Variants in ASB18 observed in about 807,000 individuals in gnomAD.
ASB18 encodes ankyrin repeat and SOCS box containing 18.
ASB18 carries 33 observed loss-of-function variants against 33.4 expected under a neutral mutation model. The ratio of observed to expected loss-of-function variants is 0.99; its 90% CI spans 0.75 to 1.32. The LOEUF (loss-of-function observed/expected upper bound fraction) is 1.32, where lower values mean the gene tolerates loss of function less well. ASB18 is among the 40% of genes most tolerant of loss of function. The pLI is 0.00. For synonymous variants in ASB18, 295 were observed against 307.6 expected, an observed-to-expected ratio of 0.96 and a Z score of 0.43; for missense variants, 694 against 655.5, an observed-to-expected ratio of 1.06 and a Z score of -0.64.
In ASB18 at chr2:236,196,241, C is replaced by T. The variant is rs1363122885; in HGVS notation, c.1215+31G>A. ...AGCAAAAACAGACAAAAGTTTTGTA[C>T]TAAAGATGGGCAGAAAGGCAGCCCT... is the stretch of plus-strand genomic sequence containing the variant. On this transcript the variant is annotated intron_variant, in intron 5 of 5. Coordinates refer to ENST00000409749, the MANE Select transcript of ASB18 (RefSeq NM_212556.4). The surrounding 1 kb of genome is among the most constrained non-coding windows in gnomAD (Gnocchi z 5.6). 6.0e-5 allele frequency: 77 copies of T among 1,282,480 alleles called. No homozygotes were observed. Among genetic ancestry groups the T allele is most frequent in the Non-Finnish European group, 8.3e-5 (75 of 901,434 alleles). The allele number at this position is 1,282,480 out of a possible 1,614,324, so 79.4% of individuals were successfully genotyped here.
rs1041498252 is a variant in ASB18 at position 236,226,646 on chromosome 2, G to A, written c.596+11043C>T. The stretch of plus-strand genomic sequence containing the variant: ...GCATATGGCCTCAGCTCCTTATGGT[G>A]TCCAAATGTAAGCTTGTTGGCGTCT... On this transcript the variant is annotated intron_variant, in intron 3 of 5. Transcript: ENST00000409749. This position sits in a 1 kb window ranked among gnomAD's most constrained non-coding sequence, Gnocchi z 4.8. Among the ~76,000 whole-genome samples, 2 of 152,156 alleles carry A rather than the reference G, an allele frequency of 1.3e-5. No individual in the cohort carries two copies. The highest frequency in any genetic ancestry group is 2.9e-5 in the Non-Finnish European group (2 of 68,028).
rs1006832255 is a variant in ASB18 at position 236,256,411 on chromosome 2, G to A, written c.205+7730C>T. ...CCCTGTCCAATATCCAGGTGCAGAG[G>A]TTGGCATTAAAAGATAGTGGGGCAT... On this transcript the variant is annotated intron_variant, in intron 1 of 5. Transcript: ENST00000409749. This position sits in a 1 kb window ranked among gnomAD's most constrained non-coding sequence, Gnocchi z 4.7. Among the ~76,000 whole-genome samples, 1 of 152,188 alleles carries A rather than the reference G, an allele frequency of 6.6e-6. No individual in the cohort carries two copies. The highest frequency in any genetic ancestry group is 1.9e-4 in the East Asian group (1 of 5,182).
At position 236,194,764 on chromosome 2, in the gene ASB18, G is replaced by A. The variant is rs1319378391; in HGVS notation, c.*108C>T. 1.0e-6 allele frequency: 1 copy of A among 961,318 alleles called. No homozygotes were observed. Among genetic ancestry groups the A allele is most frequent in the Non-Finnish European group, 1.5e-6 (1 of 654,078 alleles). The allele number at this position is 961,318 out of a possible 1,614,324, so 59.5% of individuals were successfully genotyped here. A position where few individuals can be genotyped will look rare whatever the true frequency, so the allele number is the denominator to read the frequency against. On this transcript the variant is annotated 3_prime_UTR_variant, in exon 6 of 6. Coordinates refer to ENST00000409749, the MANE Select transcript of ASB18 (RefSeq NM_212556.4). The surrounding 1 kb of genome is among the most constrained non-coding windows in gnomAD (Gnocchi z 4.5). Reference sequence around the variant, plus strand: ...CACCCGGTCCCACGGAGAGCAAGTGGGAAGGGAACTCCCATCACCTCCATC... The same window carrying A: ...CACCCGGTCCCACGGAGAGCAAGTGAGAAGGGAACTCCCATCACCTCCATC...
rs1002032481 is a variant in ASB18 at position 236,195,623 on chromosome 2, C to A, written c.1216-566G>T. Among the ~76,000 whole-genome samples, 2 of 151,888 alleles carry A rather than the reference C, an allele frequency of 1.3e-5. No individual in the cohort carries two copies. Among genetic ancestry groups the A allele is most frequent in the African/African-American group, 4.8e-5 (2 of 41,332 alleles). Reference sequence around the variant, plus strand: ...CTCTGCCTCCTGGGCTCAAGCGATTCTCCTGCCTTAGCCTCCTGAGTAACT... The same window carrying A: ...CTCTGCCTCCTGGGCTCAAGCGATTATCCTGCCTTAGCCTCCTGAGTAACT... On this transcript the variant is annotated intron_variant, in intron 5 of 5. Transcript: ENST00000409749. The surrounding 1 kb of genome is among the most constrained non-coding windows in gnomAD (Gnocchi z 5.5).
rs1168941686 is a variant in ASB18 at position 236,216,087 on chromosome 2, C to T, written c.597-1221G>A. Among the ~76,000 whole-genome samples the T allele has an allele frequency of 1.3e-5, 2 of 152,148 alleles. No individual in the cohort carries two copies. Among genetic ancestry groups the T allele is most frequent in the African/African-American group, 2.4e-5 (1 of 41,430 alleles). On this transcript the variant is annotated intron_variant, in intron 3 of 5. Transcript: ENST00000409749. This position sits in a 1 kb window ranked among gnomAD's most constrained non-coding sequence, Gnocchi z 6.1. ...CATGGCCATCCCCTACTCAAATGGC[C>T]GAATCTTCAAGCCGGAGTCCATTCT...
intron 4 of ASB18, among the ~76,000 whole-genome samples, chr2:236,198,760 G>T (rs1321645549): frequency 6.6e-6 from 1 of 152,068 alleles, no homozygotes; most frequent in African/African-American, 2.4e-5. Context: ...TTCTATTGGT[G>T]TGTTCATTTC....
In ASB18 at chr2:236,220,134, C is replaced by CT. The variant is rs1457367980; in HGVS notation, c.597-5269dup. Among the ~76,000 whole-genome samples the CT allele has an allele frequency of 6.6e-6, 1 of 152,178 alleles. No individual in the cohort carries two copies. The highest frequency in any genetic ancestry group is 2.4e-5 in the African/African-American group (1 of 41,430). On this transcript the variant is annotated intron_variant, in intron 3 of 5. Coordinates refer to ENST00000409749, the MANE Select transcript of ASB18 (RefSeq NM_212556.4). The surrounding 1 kb of genome is among the most constrained non-coding windows in gnomAD (Gnocchi z 5.1). ...TTAATAGAGATGAACCCATCAAGGA[C>CT]TGTTGAATCAATGTCATTCCAATTC...
rs990721381 is a variant in ASB18, at chr2:236,238,607, A to AGG, written c.329-653_329-652dup. Among the ~76,000 whole-genome samples the AGG allele has an allele frequency of 5.3e-4, 25 of 46,942 alleles. No homozygotes were observed. The highest frequency in any genetic ancestry group is 2.2e-3 in the East Asian group (4 of 1,812). The allele number at this position is 46,942 out of a possible 152,430, so 30.8% of individuals were successfully genotyped here. A position where few individuals can be genotyped will look rare whatever the true frequency, so the allele number is the denominator to read the frequency against. ...CCTGGTTTGTTTCTTTGCGCTTTTT[A>AGG]GGGGTGTGTGTGTGTGTGTGTGTAG... On this transcript the variant is annotated intron_variant, in intron 2 of 5. Transcript: ENST00000409749. This position sits in a 1 kb window ranked among gnomAD's most constrained non-coding sequence, Gnocchi z 5.2.
chr2:236,243,453 C>T (rs1446332187), intron 1 of ASB18, among the ~76,000 whole-genome samples: 1 of 151,804 alleles, frequency 6.6e-6, no homozygotes, highest in Non-Finnish European at 1.5e-5. Context: ...CAGTGATGAG[C>T]AGATGTGTGT....
rs536492363 is a variant in ASB18, at chr2:236,205,492, A to G, written c.1101+8870T>C. ...TGCCTTCCACCCTTTTAATTTCTCT[A>G]TAGTCCTTATCACTTTTTTGGTCTG... On this transcript the variant is annotated intron_variant, in intron 4 of 5. Transcript: ENST00000409749. The surrounding 1 kb of genome is among the most constrained non-coding windows in gnomAD (Gnocchi z 5.4). Among the ~76,000 whole-genome samples, 2 of 152,242 alleles carry G rather than the reference A, an allele frequency of 1.3e-5. No individual in the cohort carries two copies. Among genetic ancestry groups the G allele is most frequent in the East Asian group, 3.9e-4 (2 of 5,180 alleles).
chr2:236,238,920 G>C lies in ASB18; in HGVS notation c.329-964C>G, dbSNP rs899768051. Among the ~76,000 whole-genome samples, 1 of 152,142 alleles carries C rather than the reference G, an allele frequency of 6.6e-6. No homozygotes were observed. Among genetic ancestry groups the C allele is most frequent in the African/African-American group, 2.4e-5 (1 of 41,426 alleles). ...GGACCCATGCTGAGCAGCCTTGAAA[G>C]TCCATTCATTAATTACCTACCCGCA... On this transcript the variant is annotated intron_variant, in intron 2 of 5. Coordinates refer to ENST00000409749, the MANE Select transcript of ASB18 (RefSeq NM_212556.4). The surrounding 1 kb of genome is among the most constrained non-coding windows in gnomAD (Gnocchi z 5.2).
At position 236,193,870 on chromosome 2, in the gene ASB18, T is replaced by A. The variant is rs2060358872; in HGVS notation, c.*1002A>T. On this transcript the variant is annotated 3_prime_UTR_variant, in exon 6 of 6. Coordinates refer to ENST00000409749, the MANE Select transcript of ASB18 (RefSeq NM_212556.4). This position sits in a 1 kb window ranked among gnomAD's most constrained non-coding sequence, Gnocchi z 5.0. ...CTGGGTGCTCCAGTTCCCACCCACA[T>A]CCCAAAGCTGAGCAAGTGAGGTGAG... Among the ~76,000 whole-genome samples the A allele has an allele frequency of 6.6e-6, 1 of 151,700 alleles. No individual in the cohort carries two copies. The highest frequency in any genetic ancestry group is 2.4e-5 in the African/African-American group (1 of 41,362).
In ASB18 at chr2:236,255,210, C is replaced by T. The variant is rs1368321913; in HGVS notation, c.205+8931G>A. 6.6e-6 allele frequency among the ~76,000 whole-genome samples: 1 copy of T among 152,114 alleles called. No homozygotes were observed. Among genetic ancestry groups the T allele is most frequent in the East Asian group, 1.9e-4 (1 of 5,188 alleles). ...CCAGGCCTGAGTGCAGTAGCGCGAT[C>T]TTGGCTCACTGCAACCTCCTCCTCC... On this transcript the variant is annotated intron_variant, in intron 1 of 5. Transcript: ENST00000409749. The surrounding 1 kb of genome is among the most constrained non-coding windows in gnomAD (Gnocchi z 4.4).
intron 2 of ASB18, among the ~76,000 whole-genome samples, chr2:236,240,507 G>C (rs1298005691): frequency 1.3e-5 from 2 of 152,222 alleles, no homozygotes; most frequent in Non-Finnish European, 2.9e-5. Context: ...AGATTCCAAC[G>C]CATGTGAAAC....
rs563334671 is a variant in ASB18 at position 236,214,501 on chromosome 2, G to A, written c.962C>T (p.Ala321Val). Residue 321 changes from alanine (A) to valine (V), a missense_variant, in exon 4 of 6, where the codon GCG (alanine) becomes GTG (valine). Transcript: ENST00000409749. This position sits in a 1 kb window ranked among gnomAD's most constrained non-coding sequence, Gnocchi z 6.5. ...CGGCGAGGCCCCGCCATAGTCGAGC[G>A]CGCCCGCGTCGGCGCCGTGCCGCAG... ...LLLRHGADAG[A>V]LDYGGASPLG... 1 of 1,494,598 alleles carries A rather than the reference G, an allele frequency of 6.7e-7. No individual in the cohort carries two copies. Among genetic ancestry groups the A allele is most frequent in the East Asian group, 2.7e-5 (1 of 36,622 alleles). 92.6% of individuals were successfully genotyped at this position (1,494,598 alleles called of 1,614,324 possible).
At chr2:236,210,032 G>C (rs2060452441) in intron 4 of ASB18, among the ~76,000 whole-genome samples, 1 of 152,228 alleles carries the variant, frequency 6.6e-6, no homozygotes, top group Non-Finnish European at 1.5e-5. Flanking sequence ...TGAAACCCCT[G>C]TTCTGTGCTT....
intron 3 of ASB18, among the ~76,000 whole-genome samples, chr2:236,218,730 G>A (rs1210851477): frequency 2.0e-5 from 3 of 149,526 alleles, no homozygotes; most frequent in Non-Finnish European, 4.4e-5. Context: ...CCTGGGAGGC[G>A]GAGCTTGCAG....
chr2:236,207,058 C>T (rs368381920), intron 4 of ASB18, among the ~76,000 whole-genome samples: 7 of 152,214 alleles, frequency 4.6e-5, no homozygotes, highest in African/African-American at 1.7e-4. Flanking sequence ...CCTCCACACT[C>T]GTTTCCCATG....
chr2:236,230,391 A>C (rs2060558820), intron 3 of ASB18, among the ~76,000 whole-genome samples: 1 of 150,264 alleles, frequency 6.7e-6, no homozygotes, highest in African/African-American at 2.5e-5. Flanking sequence ...ATGATACTAG[A>C]TGGAATCTTG....
Sources: allele counts gnomAD v4.1 joint callset (sites outside exome capture counted in the v4.1 genomes callset), GRCh38; gene constraint gnomAD v4.1.1; non-coding constraint Gnocchi (gnomAD v3.1); transcripts MANE v1.5; gene names NCBI Gene and HGNC (gene_info 2026-07-23, HGNC 2026-07-21).